Variants in PTPRO observed in about 807,000 individuals in gnomAD.
The protein encoded by PTPRO is protein tyrosine phosphatase receptor type O.
In PTPRO, 62 loss-of-function variants were observed where a neutral mutation model predicts 145.2. The observed-to-expected ratio is 0.43, with a 90% CI of 0.35 to 0.53. The LOEUF (loss-of-function observed/expected upper bound fraction) is 0.53, where lower values mean the gene tolerates loss of function less well. PTPRO is among the 20% of genes least tolerant of loss of function. The probability of loss-of-function intolerance (pLI) is 0.01; values close to 1 mark genes in which losing one functional copy is unlikely to be tolerated. For missense variants in PTPRO, 1,345 were observed against 1,482.7 expected (o/e 0.91, Z 1.53); for synonymous variants, 565 against 514.7 (o/e 1.10, Z -1.32).
Position 15,415,603 on chromosome 12 carries a change from T to C in PTPRO, c.76-68371T>C, listed in dbSNP as rs369269342. 1.4e-4 allele frequency among the ~76,000 whole-genome samples: 21 copies of C among 151,744 alleles called. 1 individual carries two copies. Among genetic ancestry groups the C allele is most frequent in the East Asian group, 9.6e-4 (5 of 5,188 alleles). On this transcript the variant is annotated intron_variant, in intron 1 of 26. Coordinates refer to ENST00000281171, the MANE Select transcript of PTPRO (RefSeq NM_030667.3). ...GTTTCACTCATGTTAGCCAGGATGGTCTCGATCTCCCGACCTTGTGATCCG... is the reference window on the plus strand; with the variant it reads ...GTTTCACTCATGTTAGCCAGGATGGCCTCGATCTCCCGACCTTGTGATCCG...
intron 1 of PTPRO, among the ~76,000 whole-genome samples, chr12:15,417,523 A>C (rs1940015730): frequency 6.6e-6 from 1 of 151,758 alleles, no homozygotes; most frequent in Admixed American, 6.5e-5. Context: ...CTCGACCATC[A>C]GCATTGAAAT....
intron 12 of PTPRO, among the ~76,000 whole-genome samples, chr12:15,528,943 G>A (rs530886434): frequency 1.3e-5 from 2 of 152,214 alleles, no homozygotes; most frequent in African/African-American, 2.4e-5. Flanking sequence ...GAAAGATAAA[G>A]TATTTCTCAG....
intron 1 of PTPRO, among the ~76,000 whole-genome samples, chr12:15,415,299 A>T (rs1939918006): frequency 6.6e-6 from 1 of 152,218 alleles, no homozygotes; most frequent in Non-Finnish European, 1.5e-5. Flanking sequence ...CAGCTCACAT[A>T]AGAAAAGGTA....
At chr12:15,514,659 T>TA (rs1565676855) in intron 7 of PTPRO, among the ~76,000 whole-genome samples, 1 of 152,094 alleles carries the variant, frequency 6.6e-6, no homozygotes, top group Non-Finnish European at 1.5e-5. Context: ...TCTAAATATA[T>TA]GACCTTGGCC....
intron 1 of PTPRO, among the ~76,000 whole-genome samples, chr12:15,467,546 G>C (rs1290291181): frequency 1.3e-5 from 2 of 151,970 alleles, no homozygotes; most frequent in African/African-American, 4.8e-5. Flanking sequence ...CCTAGTCCTA[G>C]TGGCCATCAT....
At chr12:15,326,108 CTA>C (rs889657146) in intron 1 of PTPRO, among the ~76,000 whole-genome samples, 3 of 152,144 alleles carry the variant, frequency 2.0e-5, no homozygotes, top group Non-Finnish European at 2.9e-5. Flanking sequence ...CTTTCCTTTC[CTA>C]TGTCTCCCCT....
chr12:15,322,706 C>A lies in PTPRO; in HGVS notation c.-21C>A. 6.2e-7 allele frequency: 1 copy of A among 1,604,382 alleles called. No individual in the cohort carries two copies. Among genetic ancestry groups the A allele is most frequent in the Non-Finnish European group, 8.5e-7 (1 of 1,174,914 alleles). ...GAGTCCGCTAGCGCAGCCGTGCCCC[C>A]GAGTCCCCGTCCGCGCAGCGATGGG... On this transcript the variant is annotated 5_prime_UTR_variant, in exon 1 of 27. Transcript: ENST00000281171. The surrounding 1 kb of genome is among the most constrained non-coding windows in gnomAD (Gnocchi z 6.3).
Position 15,322,740 on chromosome 12 carries a change from C to T in PTPRO, c.14C>T (p.Pro5Leu). The part of the protein sequence containing the change: MGHL[P>L]TGIHGARRLL... ...GTCCGCGCAGCGATGGGGCACCTGC[C>T]CACGGGGATACACGGCGCCCGCCGC... Residue 5 changes from proline to leucine, a missense_variant, in exon 1 of 27, where the codon CCC (proline) becomes CTC (leucine). Pro to Leu is a moderately conservative substitution (Grantham distance 98). This residue lies in a region of PTPRO where 1,130 missense variants were observed against 1,214.7 expected (regional missense o/e 0.93). Transcript: ENST00000281171. This position sits in a 1 kb window ranked among gnomAD's most constrained non-coding sequence, Gnocchi z 6.3. 6.2e-7 allele frequency: 1 copy of T among 1,612,126 alleles called. No homozygotes were observed. The highest frequency in any genetic ancestry group is 1.3e-5 in the African/African-American group (1 of 74,978).
At chr12:15,462,316 G>A (rs1017565138) in intron 1 of PTPRO, among the ~76,000 whole-genome samples, 2 of 151,962 alleles carry the variant, frequency 1.3e-5, no homozygotes, top group African/African-American at 2.4e-5. Flanking sequence ...AGTAGAGACC[G>A]GGTTTCACCA....
At chr12:15,392,720 CA>C (rs1177789187) in intron 1 of PTPRO, among the ~76,000 whole-genome samples, 12,208 of 66,578 alleles carry the variant, frequency 0.18, 464 homozygotes, top group Middle Eastern at 0.27. Context: ...GACCCTGTCT[CA>C]AAAAAAAAAA....
intron 3 of PTPRO, 39 bp from the exon 4 acceptor site, chr12:15,499,403 A>C (rs865902052): frequency 5.0e-6 from 8 of 1,590,130 alleles, no homozygotes; most frequent in Middle Eastern, 1.7e-4. Flanking sequence ...TGATGTTTAG[A>C]AGACCATATT....
rs546633265 is a variant in PTPRO at position 15,387,052 on chromosome 12, C to T, written c.75+64251C>T. On this transcript the variant is annotated intron_variant, in intron 1 of 26. Coordinates refer to ENST00000281171, the MANE Select transcript of PTPRO (RefSeq NM_030667.3). Reference sequence around the variant, plus strand: ...GCTTCTCTATTTTCAGATTATATTGCATACAAAAACCTTGCAAGCCAAATC... The same window carrying T: ...GCTTCTCTATTTTCAGATTATATTGTATACAAAAACCTTGCAAGCCAAATC... Among the ~76,000 whole-genome samples, 31 of 152,294 alleles carry T rather than the reference C, an allele frequency of 2.0e-4. No homozygotes were observed. In the South Asian group the frequency reaches 6.4e-3, roughly 32 times the overall value.
chr12:15,373,127 G>T (rs1487538583), intron 1 of PTPRO, among the ~76,000 whole-genome samples: 1 of 152,148 alleles, frequency 6.6e-6, no homozygotes, highest in African/African-American at 2.4e-5. Context: ...CCGATGAGAT[G>T]CTGTTACCAT....
At chr12:15,394,025 C>A (rs1306418222) in intron 1 of PTPRO, among the ~76,000 whole-genome samples, 2 of 150,580 alleles carry the variant, frequency 1.3e-5, no homozygotes, top group Admixed American at 1.3e-4. Flanking sequence ...CCTGTGATAA[C>A]CCAATGATCT....
intron 1 of PTPRO, among the ~76,000 whole-genome samples, chr12:15,333,474 T>G (rs549643534): frequency 6.6e-6 from 1 of 152,196 alleles, no homozygotes; most frequent in Non-Finnish European, 1.5e-5. Flanking sequence ...TAATGTCCAG[T>G]GAACATTTGT....
chr12:15,333,871 T>C (rs1043588176), intron 1 of PTPRO, among the ~76,000 whole-genome samples: 1 of 152,212 alleles, frequency 6.6e-6, no homozygotes, highest in Non-Finnish European at 1.5e-5. Context: ...AAGTCATAAA[T>C]AGGTTCCCTT....
At chr12:15,542,780 C>G (rs1040559091) in intron 12 of PTPRO, among the ~76,000 whole-genome samples, 1 of 152,118 alleles carries the variant, frequency 6.6e-6, no homozygotes, top group Admixed American at 6.5e-5. Flanking sequence ...TTTTCTCACA[C>G]TAGGTCTTTG....
intron 12 of PTPRO, among the ~76,000 whole-genome samples, chr12:15,544,546 C>T (rs1010212595): frequency 1.0e-4 from 15 of 145,762 alleles, no homozygotes; most frequent in Admixed American, 5.5e-4. Flanking sequence ...GAAAAGGTAA[C>T]GAGTTTTTAA....
rs1565422513 is a variant in PTPRO at position 15,551,668 on chromosome 12, C to G, written c.2555C>G (p.Ala852Gly). 1.2e-6 allele frequency: 2 copies of G among 1,612,784 alleles called. No homozygotes were observed. The highest frequency in any genetic ancestry group is 1.7e-6 in the Non-Finnish European group (2 of 1,179,378). Residue 852 changes from alanine to glycine, a missense_variant, in exon 15 of 27, where the codon GCT (alanine) becomes GGT (glycine). Physicochemically the swap from Ala to Gly is moderately conservative, Grantham distance 60. Coordinates refer to ENST00000281171, the MANE Select transcript of PTPRO (RefSeq NM_030667.3). ...IILRKKHLQMARECGAGTFVN... is the reference protein window; with the variant it reads ...IILRKKHLQMGRECGAGTFVN... ...CTTAGGAAAAAGCATCTGCAGATGG[C>G]TAGGTAAGTTAAGTTTTACTAATAT...
Sources: allele counts gnomAD v4.1 joint callset (sites outside exome capture counted in the v4.1 genomes callset), GRCh38; gene constraint gnomAD v4.1.1; regional missense constraint gnomAD v4.1.1; non-coding constraint Gnocchi (gnomAD v3.1); transcripts MANE v1.5; gene names NCBI Gene and HGNC (gene_info 2026-07-23, HGNC 2026-07-21).